Variants in GRIP1 observed in about 807,000 individuals in gnomAD.
GRIP1 encodes glutamate receptor-interacting protein 1.
GRIP1 carries 45 observed loss-of-function variants against 129.9 expected under a neutral mutation model. The ratio of observed to expected loss-of-function variants is 0.35; its 90% CI spans 0.27 to 0.44. The LOEUF (loss-of-function observed/expected upper bound fraction) is 0.44, where lower values mean the gene tolerates loss of function less well. Among genes scored for constraint, GRIP1 ranks in the 20% least tolerant of loss-of-function variants. The pLI is 1.00. For missense variants in GRIP1, 1,196 were observed against 1,396.8 expected, an observed-to-expected ratio of 0.86 and a Z score of 2.29; for synonymous variants, 530 against 520.8, an observed-to-expected ratio of 1.02 and a Z score of -0.24.
chr12:66,895,036 T>G (rs1338180689), intron 1 of GRIP1, among the ~76,000 whole-genome samples: 1 of 152,120 alleles, frequency 6.6e-6, no homozygotes, highest in East Asian at 1.9e-4. Flanking sequence ...GAACCCCCAA[T>G]GTGCCAGATT....
chr12:66,630,993 T>C (rs2030714263), intron 1 of GRIP1, among the ~76,000 whole-genome samples: 3 of 152,118 alleles, frequency 2.0e-5, no homozygotes, highest in Admixed American at 1.3e-4. Flanking sequence ...TGGAGTGCAG[T>C]GGCATGATCT....
intron 4 of GRIP1, among the ~76,000 whole-genome samples, chr12:66,535,895 C>T (rs983433013): frequency 1.3e-5 from 2 of 152,164 alleles, no homozygotes; most frequent in African/African-American, 4.8e-5. Flanking sequence ...CAAATCATAT[C>T]TTCAGGTCTT....
chr12:66,735,249 A>G (rs892367596), intron 1 of GRIP1, among the ~76,000 whole-genome samples: 38 of 152,314 alleles, frequency 2.5e-4, no homozygotes, highest in African/African-American at 8.4e-4. Flanking sequence ...CCATGGTTCT[A>G]TGAAAGGATG....
chr12:67,051,280 G>C (rs11176552), intron 1 of GRIP1, among the ~76,000 whole-genome samples: 15,082 of 152,040 alleles, frequency 0.099, 818 homozygotes, highest in East Asian at 0.12. Context: ...TTGCTTCCTA[G>C]ATAGGCTACT....
chr12:66,738,670 G>C lies in GRIP1; in HGVS notation c.-420+65383C>G, dbSNP rs1418630793. The stretch of plus-strand genomic sequence containing the variant: ...CAGAAGGAGCAAAAGGGGACACAGG[G>C]AGATGAGCTCAAGGCCCCAGTGATA... On this transcript the variant is annotated intron_variant, in intron 1 of 4. Coordinates refer to the GRIP1 transcript ENST00000538373. 4.4e-4 allele frequency among the ~76,000 whole-genome samples: 67 copies of C among 152,210 alleles called. 1 individual carries two copies. The highest frequency in any genetic ancestry group is 4.3e-3 in the Admixed American group (66 of 15,282).
At chr12:66,379,752 T>A (rs1462261313) in intron 19 of GRIP1, among the ~76,000 whole-genome samples, 2 of 152,190 alleles carry the variant, frequency 1.3e-5, no homozygotes, top group Admixed American at 6.5e-5. Context: ...AAGTCATAAT[T>A]TTTGGAGAAT....
At chr12:66,928,624 T>G (rs2041335422) in intron 1 of GRIP1, among the ~76,000 whole-genome samples, 1 of 152,200 alleles carries the variant, frequency 6.6e-6, no homozygotes, top group African/African-American at 2.4e-5. Context: ...CCTTACAGAT[T>G]GTCTACATTA....
chr12:66,700,682 G>T (rs115211765), intron 1 of GRIP1, among the ~76,000 whole-genome samples: 13 of 152,206 alleles, frequency 8.5e-5, no homozygotes, highest in African/African-American at 2.6e-4. Context: ...GATAGGCTGG[G>T]GGGGAGAATA....
chr12:66,561,729 A>C (rs2139402774), intron 2 of GRIP1, among the ~76,000 whole-genome samples: 1 of 152,224 alleles, frequency 6.6e-6, no homozygotes, highest in Admixed American at 6.5e-5. Flanking sequence ...TATGGCTTAA[A>C]AAAATATATA....
chr12:66,762,138 A>G (rs532711243), intron 1 of GRIP1, among the ~76,000 whole-genome samples: 1 of 152,354 alleles, frequency 6.6e-6, no homozygotes, highest in South Asian at 2.1e-4. Context: ...TGCTCTTCCC[A>G]TGATTATGAC....
At chr12:67,015,648 C>T (rs2042775109) in intron 1 of GRIP1, among the ~76,000 whole-genome samples, 2 of 152,086 alleles carry the variant, frequency 1.3e-5, no homozygotes, top group African/African-American at 2.4e-5. Context: ...ATACCCAAAG[C>T]GATGCAAGGA....
intron 2 of GRIP1, among the ~76,000 whole-genome samples, chr12:66,579,388 C>G (rs1170260359): frequency 6.6e-6 from 1 of 152,148 alleles, no homozygotes; most frequent in East Asian, 1.9e-4. Flanking sequence ...TCCTCACCAG[C>G]AATGGAACAA....
intron 1 of GRIP1, among the ~76,000 whole-genome samples, chr12:67,042,883 C>G (rs1360678679): frequency 6.6e-6 from 1 of 152,212 alleles, no homozygotes; most frequent in Non-Finnish European, 1.5e-5. Flanking sequence ...TCCAGAGGAA[C>G]AGGAGCATAA....
intron 1 of GRIP1, among the ~76,000 whole-genome samples, chr12:66,653,963 T>C (rs1421944606): frequency 6.6e-6 from 1 of 152,082 alleles, no homozygotes; most frequent in Admixed American, 6.5e-5. Context: ...GCCTTTCACA[T>C]GCAAAAGTCA....
chr12:66,653,159 T>G (rs1197396466), intron 1 of GRIP1, among the ~76,000 whole-genome samples: 2 of 152,216 alleles, frequency 1.3e-5, no homozygotes, highest in African/African-American at 4.8e-5. Flanking sequence ...GATCTCAGGC[T>G]CTCCGTTTCT....
At chr12:66,582,581 C>G (rs2063436926) in intron 2 of GRIP1, among the ~76,000 whole-genome samples, 1 of 137,488 alleles carries the variant, frequency 7.3e-6, no homozygotes, top group Admixed American at 7.5e-5. Context: ...AATCAACGTA[C>G]AAAAATCACA....
At chr12:66,624,359 G>A (rs955666095) in intron 1 of GRIP1, among the ~76,000 whole-genome samples, 8 of 152,166 alleles carry the variant, frequency 5.3e-5, no homozygotes, top group Non-Finnish European at 1.0e-4. Flanking sequence ...ACAATTTCAC[G>A]TCAAAATGTG....
Position 66,626,219 on chromosome 12 carries a change from G to A in GRIP1, c.56-29292C>T, listed in dbSNP as rs143933118. On this transcript the variant is annotated intron_variant, in intron 1 of 24. Transcript: ENST00000359742. ...GCTAGCTATAGTGGCGTGCACCTGT[G>A]CTCCCAGCTACTTGGGAGGCTGAGG... Among the ~76,000 whole-genome samples, 1,020 of 151,888 alleles carry A rather than the reference G, an allele frequency of 6.7e-3. 4 individuals carry two copies. The highest frequency in any genetic ancestry group is 0.017 in the Middle Eastern group (5 of 294).
chr12:66,704,002 G>T (rs887785061), intron 1 of GRIP1, among the ~76,000 whole-genome samples: 4 of 151,744 alleles, frequency 2.6e-5, no homozygotes, highest in African/African-American at 9.7e-5. Context: ...GGTATGAGAA[G>T]GTACCCATGT....
Sources: allele counts gnomAD v4.1 joint callset (sites outside exome capture counted in the v4.1 genomes callset), GRCh38; gene constraint gnomAD v4.1.1; transcripts MANE v1.5; gene names NCBI Gene and HGNC (gene_info 2026-07-23, HGNC 2026-07-21).